Variants in TANC2 observed in about 807,000 individuals in gnomAD.
TANC2 encodes tetratricopeptide repeat, ankyrin repeat and coiled-coil containing 2, also known as protein TANC2.
Under a neutral mutation model 210.5 loss-of-function variants are expected in TANC2, and 26 were observed. The ratio of observed to expected loss-of-function variants is 0.12; its 90% CI spans 0.09 to 0.17. The LOEUF is 0.17. Ranked by LOEUF, TANC2 falls within the 10% of genes least tolerant of loss-of-function variation. The pLI, the probability that TANC2 is intolerant of heterozygous loss-of-function variation, is 1.00. For missense variants in TANC2, 2,129 were observed against 2,608.9 expected (o/e 0.82, Z 4.01); for synonymous variants, 931 against 967.1 (o/e 0.96, Z 0.69).
intron 5 of TANC2, among the ~76,000 whole-genome samples, chr17:63,188,389 C>G (rs112788620): frequency 0.039 from 5,938 of 151,662 alleles, 419 homozygotes; most frequent in African/African-American, 0.14. Flanking sequence ...GTCAAGAGAT[C>G]AAGACCATCC....
intron 14 of TANC2, among the ~76,000 whole-genome samples, chr17:63,359,158 G>T (rs1405788513): frequency 6.6e-6 from 1 of 151,692 alleles, no homozygotes; most frequent in Non-Finnish European, 1.5e-5. Context: ...CAACCTCCTG[G>T]GCTCTGGCAA....
chr17:63,305,668 TTAAG>T (rs2044877913), intron 9 of TANC2: 1 of 152,200 alleles, frequency 6.6e-6, no homozygotes, highest in African/African-American at 2.4e-5. Context: ...CAGTGTATAA[TTAAG>T]CACTAAATTA....
rs1177643459 is a variant in TANC2, at chr17:63,340,068, A to G, written c.1576-33A>G. ...CATAGCTATTGCTCTTACTACTGAT[A>G]AGCCTGTTTGCATTCTCATCTTTCT... is the stretch of plus-strand genomic sequence containing the variant. On this transcript the variant is annotated intron_variant, in intron 11 of 27. Transcript: ENST00000689528. The G allele has an allele frequency of 2.0e-6, 3 of 1,513,274 alleles. No homozygotes were observed. The African/African-American group carries it at 4.1e-5, about 21-fold the overall frequency. The allele number at this position is 1,513,274 out of a possible 1,614,324, so 93.7% of individuals were successfully genotyped here. A position where few individuals can be genotyped will look rare whatever the true frequency, so the allele number is the denominator to read the frequency against.
intron 5 of TANC2, chr17:63,153,603 G>C (rs2039733110): frequency 6.6e-6 from 1 of 152,116 alleles, no homozygotes; most frequent in Admixed American, 6.6e-5. Context: ...TACTGAAGCT[G>C]CTGTTTGAGA....
intron 26 of TANC2, among the ~76,000 whole-genome samples, chr17:63,416,468 C>T: frequency 6.6e-6 from 1 of 152,202 alleles, no homozygotes; most frequent in Non-Finnish European, 1.5e-5. Context: ...CAATTAAAAA[C>T]TCAGCTGGAC....
At chr17:63,019,718 T>C (rs768333360) in intron 2 of TANC2, among the ~76,000 whole-genome samples, 41 of 152,346 alleles carry the variant, frequency 2.7e-4, no homozygotes, top group Non-Finnish European at 4.1e-4. Flanking sequence ...TTCATTTTTG[T>C]AATGGCTCAT....
At chr17:63,111,676 AT>A (rs1217133971) in intron 4 of TANC2, among the ~76,000 whole-genome samples, 5 of 152,040 alleles carry the variant, frequency 3.3e-5, no homozygotes, top group African/African-American at 4.8e-5. Flanking sequence ...ATATGGCAAT[AT>A]TTTTTTAGAT....
intron 2 of TANC2, among the ~76,000 whole-genome samples, chr17:63,068,687 T>A (rs1474704955): frequency 1.0e-4 from 15 of 147,600 alleles, no homozygotes; most frequent in South Asian, 2.2e-4. Context: ...ATGATATAGT[T>A]TCATTACACT....
intron 7 of TANC2, among the ~76,000 whole-genome samples, chr17:63,205,248 C>T (rs1295237802): frequency 6.9e-6 from 1 of 145,326 alleles, no homozygotes; most frequent in African/African-American, 2.5e-5. Context: ...TGAAGTTGGT[C>T]ATTTACCATC....
chr17:63,382,213 C>T (rs548243088), intron 15 of TANC2, among the ~76,000 whole-genome samples: 1 of 152,340 alleles, frequency 6.6e-6, no homozygotes, highest in South Asian at 2.1e-4. Flanking sequence ...AGTCCAGCCT[C>T]AGTGCGGTTC....
At chr17:63,379,318 A>G (rs1449280442) in intron 14 of TANC2, among the ~76,000 whole-genome samples, 3 of 152,160 alleles carry the variant, frequency 2.0e-5, no homozygotes, top group Non-Finnish European at 4.4e-5. Context: ...TGAATGATAT[A>G]GTTTTGTTGG....
rs146328620 is a variant in TANC2, at chr17:63,366,047, C to T, written c.2582+10657C>T. ...AGTAGAGTGCCTGGAACACAGTAAG[C>T]GCACGGTAAATTTTTTTTTGATGAC... On this transcript the variant is annotated intron_variant, in intron 14 of 27. Transcript: ENST00000689528. 5.3e-5 allele frequency among the ~76,000 whole-genome samples: 8 copies of T among 151,960 alleles called. No individual in the cohort carries two copies. In the East Asian group the frequency reaches 5.8e-4, roughly 11 times the overall value.
At chr17:62,975,729 G>A (rs1003571627) in intron 1 of TANC2, among the ~76,000 whole-genome samples, 28 of 151,994 alleles carry the variant, frequency 1.8e-4, no homozygotes, top group African/African-American at 6.0e-4. Flanking sequence ...ATGAAAATGG[G>A]TTTGAATTAC....
At chr17:63,263,919 A>G (rs2043444844) in intron 8 of TANC2, among the ~76,000 whole-genome samples, 1 of 152,346 alleles carries the variant, frequency 6.6e-6, no homozygotes, top group South Asian at 2.1e-4. Flanking sequence ...TCACTCTGCT[A>G]TTGGTACAAT....
intron 5 of TANC2, among the ~76,000 whole-genome samples, chr17:63,178,287 C>G (rs1046141404): frequency 3.9e-5 from 6 of 151,952 alleles, no homozygotes; most frequent in Non-Finnish European, 5.9e-5. Context: ...GAGCCGAGAT[C>G]GCGCCACTGC....
chr17:63,286,165 T>C (rs1473094524), intron 9 of TANC2, among the ~76,000 whole-genome samples: 4 of 152,238 alleles, frequency 2.6e-5, no homozygotes, highest in East Asian at 3.8e-4. Context: ...AAAAATCTTA[T>C]GTATTTATCC....
At chr17:63,368,481 A>G (rs1315809322) in intron 14 of TANC2, among the ~76,000 whole-genome samples, 1 of 152,256 alleles carries the variant, frequency 6.6e-6, no homozygotes, top group Non-Finnish European at 1.5e-5. Flanking sequence ...AATATAAAGT[A>G]GAAAGTTTAG....
intron 2 of TANC2, among the ~76,000 whole-genome samples, chr17:63,031,500 C>T (rs2034769012): frequency 6.6e-6 from 1 of 152,108 alleles, no homozygotes; most frequent in Admixed American, 6.6e-5. Context: ...TCACTATAGT[C>T]ACTTCTTTAC....
rs115797054 is a variant in TANC2 at position 63,337,556 on chromosome 17, C to T, written c.1576-2545C>T. 4.1e-3 allele frequency among the ~76,000 whole-genome samples: 618 copies of T among 151,046 alleles called. 5 individuals are homozygous for T. Among genetic ancestry groups the T allele is most frequent in the African/African-American group, 0.013 (534 of 41,170 alleles). On this transcript the variant is annotated intron_variant, in intron 11 of 27. Coordinates refer to ENST00000689528, the Ensembl canonical transcript of TANC2. ...CTTTATAGTGCTACCCACAATCACTCGTATTATATTGGATAGTAATGGTGA... is the reference window on the plus strand; with the variant it reads ...CTTTATAGTGCTACCCACAATCACTTGTATTATATTGGATAGTAATGGTGA...
Sources: gnomAD v4.1 joint callset for allele counts (sites outside exome capture counted in the v4.1 genomes callset) on GRCh38, gnomAD v4.1.1 for gene constraint, MANE v1.5 for transcripts, NCBI Gene and HGNC (gene_info 2026-07-23, HGNC 2026-07-21) for gene names.